Variants in ROBO2 observed in about 807,000 individuals in gnomAD.
ROBO2 encodes the protein roundabout homolog 2.
A neutral mutation model predicts 160.8 loss-of-function variants in ROBO2; 53 were observed. The observed-to-expected ratio is 0.33, with a 90% confidence interval of 0.26 to 0.41. The LOEUF (loss-of-function observed/expected upper bound fraction) is 0.41, where lower values mean the gene tolerates loss of function less well. Ranked by LOEUF, ROBO2 falls within the 10% of genes least tolerant of loss-of-function variation. ROBO2 has a pLI of 1.00. For synonymous variants in ROBO2, 664 were observed against 611.7 expected (o/e 1.09, Z -1.26); for missense variants, 1,577 against 1,722.4 (o/e 0.92, Z 1.49).
At chr3:77,020,810 G>A (rs1016339078) in intron 2 of ROBO2, among the ~76,000 whole-genome samples, 26 of 152,264 alleles carry the variant, frequency 1.7e-4, no homozygotes, top group South Asian at 2.1e-4. Flanking sequence ...GTAAGATATA[G>A]TTTATGTACA....
chr3:76,245,702 A>C (rs550130639), intron 2 of ROBO2, among the ~76,000 whole-genome samples: 1 of 152,238 alleles, frequency 6.6e-6, no homozygotes, highest in African/African-American at 2.4e-5. Context: ...TAAGCATTAC[A>C]TCTTCTGCTC....
intron 2 of ROBO2, among the ~76,000 whole-genome samples, chr3:76,464,865 ACT>A (rs1162422791): frequency 2.0e-5 from 3 of 152,024 alleles, no homozygotes; most frequent in African/African-American, 4.8e-5. Context: ...GTATCTTATG[ACT>A]CTCCTAGATA....
intron 2 of ROBO2, among the ~76,000 whole-genome samples, chr3:77,168,684 A>G (rs1225848214): frequency 2.0e-5 from 3 of 152,162 alleles, no homozygotes; most frequent in African/African-American, 2.4e-5. Flanking sequence ...TACGTGACCT[A>G]TTACAGGGAA....
At chr3:77,397,573 T>C (rs1424319071) in intron 2 of ROBO2, among the ~76,000 whole-genome samples, 1 of 152,162 alleles carries the variant, frequency 6.6e-6, no homozygotes, top group African/African-American at 2.4e-5. Flanking sequence ...AGAAACCTCT[T>C]GATGCCCTCC....
intron 25 of ROBO2, 125 bp downstream of exon 27, chr3:77,645,029 C>T: frequency 1.0e-6 from 1 of 958,626 alleles, no homozygotes; most frequent in East Asian, 2.6e-5. Flanking sequence ...CAATCAATTG[C>T]AATTTTCAAC....
intron 2 of ROBO2, chr3:76,433,965 G>A (rs1169824918): frequency 3.9e-6 from 3 of 765,194 alleles, no homozygotes; most frequent in Non-Finnish European, 7.1e-6. Flanking sequence ...ATACAATCTA[G>A]AAGAAAATTA....
intron 2 of ROBO2, among the ~76,000 whole-genome samples, chr3:77,296,476 G>C (rs2153406549): frequency 6.6e-6 from 1 of 152,270 alleles, no homozygotes; most frequent in South Asian, 2.1e-4. Context: ...CATTGGACTT[G>C]CCTCAGATGT....
At chr3:76,100,280 C>T (rs907080422) in intron 2 of ROBO2, among the ~76,000 whole-genome samples, 5 of 152,174 alleles carry the variant, frequency 3.3e-5, no homozygotes, top group African/African-American at 1.2e-4. Flanking sequence ...ATAGAATCAC[C>T]ACATTTAAAA....
At chr3:75,929,592 C>T (rs1274534339) in intron 1 of ROBO2, among the ~76,000 whole-genome samples, 5 of 152,028 alleles carry the variant, frequency 3.3e-5, no homozygotes, top group Admixed American at 1.3e-4. Flanking sequence ...TAATTTCTCC[C>T]CTTCTTGCAA....
rs572850163 is a variant in ROBO2, at chr3:76,234,647, C to T, written c.109+297045C>T. Among the ~76,000 whole-genome samples the T allele has an allele frequency of 9.2e-5, 14 of 152,202 alleles. No homozygotes were observed. The East Asian group carries it at 1.5e-3, about 17-fold the overall frequency. On this transcript the variant is annotated intron_variant, in intron 2 of 26. Coordinates refer to the ROBO2 transcript ENST00000487694. ...ATTTAATTACCGATGGACATGTTTT[C>T]GTATGCTTGTCATACACTGTTTTTA...
chr3:77,187,108 T>C (rs1350024190), intron 2 of ROBO2, among the ~76,000 whole-genome samples: 5 of 151,976 alleles, frequency 3.3e-5, no homozygotes, highest in Admixed American at 6.6e-5. Flanking sequence ...TGATCCTTCA[T>C]TGTAAAAAGC....
At chr3:77,201,132 C>T (rs997897626) in intron 2 of ROBO2, among the ~76,000 whole-genome samples, 1 of 152,140 alleles carries the variant, frequency 6.6e-6, no homozygotes, top group Non-Finnish European at 1.5e-5. Context: ...ATAGTATTAA[C>T]CTCCTTATGC....
intron 2 of ROBO2, among the ~76,000 whole-genome samples, chr3:77,353,992 T>C (rs1035354916): frequency 2.0e-5 from 3 of 152,176 alleles, no homozygotes; most frequent in African/African-American, 7.2e-5. Context: ...ATACCCTGAA[T>C]TGTTTTTACT....
chr3:76,222,650 G>C (rs1346636077), intron 2 of ROBO2, among the ~76,000 whole-genome samples: 2 of 152,110 alleles, frequency 1.3e-5, no homozygotes, highest in African/African-American at 4.8e-5. Flanking sequence ...TGGTGTGTGT[G>C]GGTGGGGGAG....
chr3:77,106,648 G>C (rs1307483651), intron 2 of ROBO2, among the ~76,000 whole-genome samples: 2 of 152,060 alleles, frequency 1.3e-5, no homozygotes, highest in Non-Finnish European at 2.9e-5. Flanking sequence ...GAAAGTTTTT[G>C]CTTTATAGAT....
At chr3:76,726,980 A>G (rs1576265867) in intron 2 of ROBO2, among the ~76,000 whole-genome samples, 1 of 152,314 alleles carries the variant, frequency 6.6e-6, no homozygotes, top group South Asian at 2.1e-4. Context: ...GACACACGTA[A>G]AACTGGAACT....
At chr3:76,341,059 G>T (rs1459558908) in intron 2 of ROBO2, among the ~76,000 whole-genome samples, 1 of 151,980 alleles carries the variant, frequency 6.6e-6, no homozygotes, top group African/African-American at 2.4e-5. Context: ...TTTTCTAAAG[G>T]TCAGAATCAG....
intron 2 of ROBO2, among the ~76,000 whole-genome samples, chr3:77,339,867 C>T (rs1321178972): frequency 2.0e-5 from 3 of 152,032 alleles, no homozygotes; most frequent in African/African-American, 7.2e-5. Context: ...GCTTATTTGC[C>T]TGAATTTGCC....
At chr3:77,425,380 A>C (rs895695456) in intron 2 of ROBO2, among the ~76,000 whole-genome samples, 4 of 152,194 alleles carry the variant, frequency 2.6e-5, no homozygotes, top group South Asian at 2.1e-4. Context: ...AATTAAAAGA[A>C]AAAACATAGC....
Sources: allele counts gnomAD v4.1 joint callset (sites outside exome capture counted in the v4.1 genomes callset), GRCh38; gene constraint gnomAD v4.1.1; transcripts MANE v1.5; gene names NCBI Gene and HGNC (gene_info 2026-07-23, HGNC 2026-07-21).